Variants in MAN2B1 observed in about 807,000 individuals in gnomAD.
MAN2B1 encodes lysosomal alpha-mannosidase.
In MAN2B1, 99 loss-of-function variants were observed where a neutral mutation model predicts 127.5. That is an observed-to-expected ratio of 0.78 (90% CI 0.66 to 0.92). The LOEUF (loss-of-function observed/expected upper bound fraction) is 0.92, where lower values mean the gene tolerates loss of function less well. MAN2B1 is among the 40% of genes least tolerant of loss of function. MAN2B1 has a pLI of 0.00. For synonymous variants in MAN2B1, 573 were observed against 568.8 expected, an observed-to-expected ratio of 1.01 and a Z score of -0.11; for missense variants, 1,304 against 1,384.8, an observed-to-expected ratio of 0.94 and a Z score of 0.93.
At chr19:12,657,771 T>A in intron 10 of MAN2B1, 1 of 612,812 alleles carries the variant, frequency 1.6e-6, no homozygotes, top group South Asian at 1.9e-5. Context: ...CTGGCTAACA[T>A]GGTGAAACCC....
Position 12,656,913 on chromosome 19 carries a change from A to T in MAN2B1, c.1527+36T>A, listed in dbSNP as rs746235863. The T allele has an allele frequency of 7.2e-6, 11 of 1,535,242 alleles. No homozygotes were observed. In the African/African-American group the frequency reaches 1.4e-4, roughly 19 times the overall value. On this transcript the variant is annotated intron_variant, in intron 12 of 23. Transcript: ENST00000456935. ...TTTCCAACTACCCCCTCTAAAGCCC[A>T]TCTGCCCTAGATCCACCCCTCCCGT...
At chr19:12,652,891 G>GAAA (rs2023874658) in intron 14 of MAN2B1, among the ~76,000 whole-genome samples, 1 of 151,938 alleles carries the variant, frequency 6.6e-6, no homozygotes. Context: ...CTGGAGTGCA[G>GAAA]GGGCGCAATC....
At chr19:12,665,555 GA>G in intron 2 of MAN2B1, 30 bp from the exon 3 acceptor site, 2 of 1,612,788 alleles carry the variant, frequency 1.2e-6, no homozygotes, top group Non-Finnish European at 1.7e-6. Flanking sequence ...GGCTCTCAGG[GA>G]ACAGCAGAGC....
chr19:12,647,316 G>A lies in MAN2B1; in HGVS notation c.2840C>T (p.Thr947Ile). Reference sequence around the variant, plus strand: ...CGTGGTCTCCTGCAGGCGGGTGATGGTGAAGGTGGAGAACAGGTCCTGCGG... The same window carrying A: ...CGTGGTCTCCTGCAGGCGGGTGATGATGAAGGTGGAGAACAGGTCCTGCGG... ...LNLRDLFSTFTITRLQETTLV... is the reference protein window; with the variant it reads ...LNLRDLFSTFIITRLQETTLV... The change falls in exon 23 of 24, where the codon ACC (threonine) becomes ATC (isoleucine). Residue 947 changes from threonine (T) to isoleucine (I), a missense_variant. Thr to Ile is a moderately conservative substitution (Grantham distance 89). Coordinates refer to ENST00000456935, the MANE Select transcript of MAN2B1 (RefSeq NM_000528.4). The surrounding 1 kb of genome is among the most constrained non-coding windows in gnomAD (Gnocchi z 4.9). 1 of 1,614,180 alleles carries A rather than the reference G, an allele frequency of 6.2e-7. No homozygotes were observed. Among genetic ancestry groups the A allele is most frequent in the Non-Finnish European group, 8.5e-7 (1 of 1,180,028 alleles).
chr19:12,649,925 A>T lies in MAN2B1; in HGVS notation c.2255T>A (p.Ile752Asn). 2 of 1,586,402 alleles carry T rather than the reference A, an allele frequency of 1.3e-6. No homozygotes were observed. Among genetic ancestry groups the T allele is most frequent in the Non-Finnish European group, 1.7e-6 (2 of 1,162,950 alleles). ...RFYTDSNGRE[I>N]LERRRDYRPT... ...AGTCACCCCCCACCTCCTCTCCAGG[A>T]TCTCCCGGCCATTGCTGTCTGTGTA... The change falls in exon 18 of 24, where the codon ATC (isoleucine) becomes AAC (asparagine). Residue 752 changes from isoleucine (I) to asparagine (N), a missense_variant. Coordinates refer to ENST00000456935, the MANE Select transcript of MAN2B1 (RefSeq NM_000528.4).
rs770412137 is a variant in MAN2B1 at position 12,649,336 on chromosome 19, G to A, written c.2355+5C>T. On this transcript the variant is annotated splice_donor_5th_base_variant and intron_variant, in intron 19 of 23. Transcript: ENST00000456935. ...GTGGGGAGGTGCAGGATGGGGGAGA[G>A]CTACCGTGATGTAAATCCGGGTGTT... 2 of 1,612,050 alleles carry A rather than the reference G, an allele frequency of 1.2e-6. No homozygotes were observed. Among genetic ancestry groups the A allele is most frequent in the Non-Finnish European group, 1.7e-6 (2 of 1,178,330 alleles).
chr19:12,659,246 T>C (rs1490210207), intron 7 of MAN2B1, among the ~76,000 whole-genome samples: 1 of 151,980 alleles, frequency 6.6e-6, no homozygotes, highest in Admixed American at 6.6e-5. Flanking sequence ...AAAAGGATGT[T>C]TGTTTTGCAC....
chr19:12,663,179 A>T, intron 6 of MAN2B1, 138 bp downstream of exon 6: 1 of 1,026,930 alleles, frequency 9.7e-7, no homozygotes, highest in Non-Finnish European at 1.5e-6. Context: ...GCACCACTGC[A>T]CTCCAGCCTG....
rs763382948 is a variant in MAN2B1 at position 12,646,724 on chromosome 19, G to T, written c.2932C>A (p.Pro978Thr). 1.4e-5 allele frequency: 23 copies of T among 1,613,256 alleles called. No homozygotes were observed. Among genetic ancestry groups the T allele is most frequent in the Non-Finnish European group, 2.0e-5 (23 of 1,179,228 alleles). The change falls in exon 24 of 24, where the codon CCC (proline) becomes ACC (threonine). Residue 978 changes from proline to threonine, a missense_variant. By Grantham distance (38) the Pro-to-Thr change is conservative. Transcript: ENST00000456935. ...TCCAGCTGGTACGGAGTTTGGTGGG[G>T]TGTGGGGCCTGGAGAGGTGCAGGGG... ...LKWTTNTGPT[P>T]HQTPYQLDPA...
chr19:12,656,728 G>C (rs768292256), intron 12 of MAN2B1, 41 bp from the exon 13 acceptor site: 1 of 1,444,932 alleles, frequency 6.9e-7, no homozygotes, highest in South Asian at 1.1e-5. Flanking sequence ...GTCACAGCAG[G>C]CCTTCTCCAA....
intron 23 of MAN2B1, 95 bp from the exon 24 acceptor site, chr19:12,646,827 A>G (rs1159120589): frequency 1.2e-6 from 1 of 860,782 alleles, no homozygotes; most frequent in African/African-American, 1.7e-5. Context: ...ACACAGCTGC[A>G]TATCCCCGAA....
chr19:12,652,205 T>A lies in MAN2B1; in HGVS notation c.1994A>T (p.Asn665Ile), dbSNP rs762894770. 7 of 1,614,026 alleles carry A rather than the reference T, an allele frequency of 4.3e-6. No individual in the cohort carries two copies. The Admixed American group carries it at 1.0e-4, about 23-fold the overall frequency. ...QASGAYIFRPNQQKPLPVSRW... is the reference protein window; with the variant it reads ...QASGAYIFRPIQQKPLPVSRW... ...GCTCACAGGCAGCGGTTTCTGTTGG[T>A]TGGGTCTGAAGATGTAGGCACCTGA... The change falls in exon 16 of 24, where the codon AAC (asparagine) becomes ATC (isoleucine). Residue 665 changes from asparagine to isoleucine, a missense_variant. Coordinates refer to ENST00000456935, the MANE Select transcript of MAN2B1 (RefSeq NM_000528.4).
rs141965228 is a variant in MAN2B1, at chr19:12,650,123, C to T, written c.2146G>A (p.Val716Met). 21 of 1,613,990 alleles carry T rather than the reference C, an allele frequency of 1.3e-5. No homozygotes were observed. The highest frequency in any genetic ancestry group is 1.8e-5 in the Non-Finnish European group (21 of 1,180,022). ...GQRHLELEWS[V>M]GPIPVGDTWG... ...ACTCACCCCACAGGTATCGGCCCCA[C>T]CGACCACTCTAGCTCCAGGTGCCGC... is the stretch of plus-strand genomic sequence containing the variant. Residue 716 changes from valine to methionine, a missense_variant, in exon 17 of 24, where the codon GTG becomes ATG. Val to Met is a conservative substitution (Grantham distance 21). Coordinates refer to ENST00000456935, the MANE Select transcript of MAN2B1 (RefSeq NM_000528.4).
At chr19:12,648,441 G>A (rs1568298068) in intron 20 of MAN2B1, 39 bp from the exon 21 acceptor site, 1 of 1,492,060 alleles carries the variant, frequency 6.7e-7, no homozygotes, top group South Asian at 1.1e-5. Context: ...AGAGTCGTGG[G>A]TTTGTGGGTG....
intron 16 of MAN2B1, among the ~76,000 whole-genome samples, chr19:12,651,575 G>A (rs2023841701): frequency 1.3e-5 from 2 of 152,298 alleles, no homozygotes; most frequent in East Asian, 3.9e-4. Context: ...ACTATATACA[G>A]ATATGCAGAC....
chr19:12,649,477 CTTTTTT>C (rs36018312), intron 18 of MAN2B1, 49 bp from the exon 19 acceptor site: 461 of 422,232 alleles, frequency 1.1e-3, no homozygotes, highest in African/African-American at 6.5e-3. Flanking sequence ...CTCCCCAACT[CTTTTTT>C]TTTTTTTTTT....
chr19:12,664,107 T>C (rs967156678), intron 4 of MAN2B1, among the ~76,000 whole-genome samples: 40 of 152,094 alleles, frequency 2.6e-4, no homozygotes, highest in African/African-American at 9.7e-4. Context: ...GCTCTTGTAG[T>C]CTCATCTACT....
rs10421764 is a variant in MAN2B1, at chr19:12,662,017, G to A, written c.910-641C>T. 8.1e-3 allele frequency among the ~76,000 whole-genome samples: 1,226 copies of A among 152,068 alleles called. 22 individuals are homozygous for A. Among genetic ancestry groups the A allele is most frequent in the African/African-American group, 0.026 (1,100 of 41,512 alleles). On this transcript the variant is annotated intron_variant, in intron 6 of 23. Coordinates refer to ENST00000456935, the MANE Select transcript of MAN2B1 (RefSeq NM_000528.4). Reference sequence around the variant, plus strand: ...GCGCCACCACACCCGACTAATTTTTGTATTTTTAGTAGAGACAGGGTTTCG... The same window carrying A: ...GCGCCACCACACCCGACTAATTTTTATATTTTTAGTAGAGACAGGGTTTCG...
intron 14 of MAN2B1, among the ~76,000 whole-genome samples, chr19:12,655,452 A>G (rs1383317150): frequency 2.6e-5 from 4 of 152,036 alleles, no homozygotes; most frequent in South Asian, 4.1e-4. Context: ...GCGAACCACC[A>G]CCTGCCACCA....
Sources: allele counts gnomAD v4.1 joint callset (sites outside exome capture counted in the v4.1 genomes callset), GRCh38; gene constraint gnomAD v4.1.1; non-coding constraint Gnocchi (gnomAD v3.1); transcripts MANE v1.5; gene names NCBI Gene and HGNC (gene_info 2026-07-23, HGNC 2026-07-21).